Variants in CAPRIN1 observed in about 807,000 individuals in gnomAD.
The protein encoded by CAPRIN1 is cell cycle associated protein 1.
A neutral mutation model predicts 100.9 loss-of-function variants in CAPRIN1; 29 were observed. The observed-to-expected ratio is 0.29, with a 90% CI of 0.21 to 0.39. The LOEUF (loss-of-function observed/expected upper bound fraction) is 0.39. CAPRIN1 is among the 10% of genes least tolerant of loss of function. The pLI, the probability that CAPRIN1 is intolerant of heterozygous loss-of-function variation, is 1.00. For missense variants in CAPRIN1, 795 were observed against 876.7 expected, an observed-to-expected ratio of 0.91 and a Z score of 1.18; for synonymous variants, 338 against 307.5, an observed-to-expected ratio of 1.10 and a Z score of -1.04.
intron 9 of CAPRIN1, among the ~76,000 whole-genome samples, chr11:34,085,346 A>G (rs919529868): frequency 7.2e-5 from 11 of 152,214 alleles, no homozygotes; most frequent in Non-Finnish European, 1.2e-4. Context: ...TCTTGATGAT[A>G]ATAATAGCTA....
At chr11:34,098,918 A>G in intron 18 of CAPRIN1, 1 of 1,019,954 alleles carries the variant, frequency 9.8e-7, no homozygotes, top group Non-Finnish European at 1.2e-6. Flanking sequence ...TACTACTGAA[A>G]TGTAAGCTAG....
chr11:34,069,921 AAAAAG>A (rs1330715330), intron 2 of CAPRIN1, among the ~76,000 whole-genome samples: 11 of 151,666 alleles, frequency 7.3e-5, no homozygotes, highest in African/African-American at 2.7e-4. Context: ...AAAAAAAAAA[AAAAAG>A]AAAAAACAAA....
At chr11:34,072,868 T>C (rs2134105999) in intron 4 of CAPRIN1, among the ~76,000 whole-genome samples, 1 of 152,384 alleles carries the variant, frequency 6.6e-6, no homozygotes, top group South Asian at 2.1e-4. Context: ...GTATTTTTAC[T>C]GTACCTATTC....
At chr11:34,097,552 C>T (rs975947604) in intron 17 of CAPRIN1, 146 bp from the exon 18 acceptor site, 1 of 822,770 alleles carries the variant, frequency 1.2e-6, no homozygotes, top group African/African-American at 1.7e-5. Context: ...ACAACAATTA[C>T]AGAACAAGGT....
At position 34,052,558 on chromosome 11, in the gene CAPRIN1, C is replaced by G. The variant is rs993439455; in HGVS notation, c.138C>G (p.Thr46=). Residue 46 remains threonine, a synonymous_variant, in exon 2 of 19, where the codon ACC becomes ACG. Coordinates refer to ENST00000341394, the MANE Select transcript of CAPRIN1 (RefSeq NM_005898.5). ...CTTCTCAGCACCCCGCAACCGGCACCGGCGCTGTCCAGACCGAGGCCATGA... is the reference window on the plus strand; with the variant it reads ...CTTCTCAGCACCCCGCAACCGGCACGGGCGCTGTCCAGACCGAGGCCATGA... The part of the protein sequence containing the change: ...APASQHPATG[T]GAVQTEAMKQ... 3 of 1,609,612 alleles carry G rather than the reference C, an allele frequency of 1.9e-6. No individual in the cohort carries two copies. The highest frequency in any genetic ancestry group is 1.7e-5 in the Admixed American group (1 of 59,652).
At chr11:34,084,708 A>G (rs1243644672) in intron 9 of CAPRIN1, among the ~76,000 whole-genome samples, 2 of 152,174 alleles carry the variant, frequency 1.3e-5, no homozygotes, top group African/African-American at 4.8e-5. Context: ...AGCCTTGACT[A>G]AGTCGATGGG....
chr11:34,052,236 T>G (rs1850327201), intron 1 of CAPRIN1, 185 bp from the exon 2 acceptor site: 2 of 207,350 alleles, frequency 9.6e-6, no homozygotes, highest in East Asian at 9.4e-5. Context: ...GGCGCCCCGC[T>G]GGCGGGTCGC....
chr11:34,079,651 G>C lies in CAPRIN1; in HGVS notation c.712G>C (p.Glu238Gln), dbSNP rs1850972549. The stretch of plus-strand genomic sequence containing the variant: ...AGATAAAGTTCTAAAGGAAATTGTT[G>C]AGCGTGTTTTTCAGTCAAACTACTT... ...TTYKVLKEIV[E>Q]RVFQSNYFDS... Residue 238 changes from glutamate (E) to glutamine (Q), a missense_variant, in exon 7 of 19, where the codon GAG becomes CAG. Coordinates refer to ENST00000341394, the MANE Select transcript of CAPRIN1 (RefSeq NM_005898.5). 1.2e-6 allele frequency: 2 copies of C among 1,613,730 alleles called. No individual in the cohort carries two copies. Among genetic ancestry groups the C allele is most frequent in the African/African-American group, 2.7e-5 (2 of 74,870 alleles).
At chr11:34,069,562 A>G (rs1444193187) in intron 2 of CAPRIN1, among the ~76,000 whole-genome samples, 1 of 152,172 alleles carries the variant, frequency 6.6e-6, no homozygotes, top group Non-Finnish European at 1.5e-5. Context: ...TTTAAAAAAG[A>G]GAATGAACTA....
intron 12 of CAPRIN1, 51 bp downstream of exon 12, chr11:34,089,507 C>T: frequency 1.9e-6 from 2 of 1,067,768 alleles, no homozygotes; most frequent in South Asian, 1.3e-5. Flanking sequence ...TGGCTCGTAC[C>T]TATAATCCTA....
At position 34,102,507 on chromosome 11, in the gene CAPRIN1, G is replaced by A. The variant is rs1387445404; in HGVS notation, c.*3140G>A. Among the ~76,000 whole-genome samples the A allele has an allele frequency of 1.3e-5, 2 of 152,172 alleles. No individual in the cohort carries two copies. Among genetic ancestry groups the A allele is most frequent in the African/African-American group, 4.8e-5 (2 of 41,448 alleles). ...CCCCTCAGGAAAACGAAAGTAAATT[G>A]TTAAGGCTCATCTTCATACCTTTTT... On this transcript the variant is annotated 3_prime_UTR_variant, in exon 19 of 19. Coordinates refer to ENST00000341394, the MANE Select transcript of CAPRIN1 (RefSeq NM_005898.5).
chr11:34,064,352 A>G (rs532889644), intron 2 of CAPRIN1, among the ~76,000 whole-genome samples: 10 of 152,288 alleles, frequency 6.6e-5, no homozygotes, highest in Admixed American at 2.0e-4. Flanking sequence ...CCAGTGGACA[A>G]ATTTTCTAGT....
chr11:34,068,440 C>G (rs116227847), intron 2 of CAPRIN1, among the ~76,000 whole-genome samples: 111 of 152,278 alleles, frequency 7.3e-4, no homozygotes, highest in African/African-American at 2.6e-3. Flanking sequence ...GTATGTGAGA[C>G]TGCATGCAGA....
chr11:34,071,277 A>G (rs1253174169), intron 2 of CAPRIN1, among the ~76,000 whole-genome samples: 1 of 152,102 alleles, frequency 6.6e-6, no homozygotes, highest in Admixed American at 6.6e-5. Context: ...AGTTTTATGT[A>G]CTTAGGCTGG....
chr11:34,076,093 T>TA, intron 4 of CAPRIN1, 143 bp from the exon 5 acceptor site: 1 of 615,956 alleles, frequency 1.6e-6, no homozygotes, highest in Non-Finnish European at 2.9e-6. Context: ...AAACTATTTG[T>TA]AAGTCAGGAA....
At chr11:34,078,418 T>G (rs1850946371) in intron 6 of CAPRIN1, among the ~76,000 whole-genome samples, 1 of 152,238 alleles carries the variant, frequency 6.6e-6, no homozygotes, top group African/African-American at 2.4e-5. Context: ...TCTCCCCCTC[T>G]GCCCTGCACT....
Position 34,092,369 on chromosome 11 carries a change from T to A in CAPRIN1, c.1705+313T>A, listed in dbSNP as rs558476779. The stretch of plus-strand genomic sequence containing the variant: ...TACCATAAAGTGTACTTTTTTTTTT[T>A]TTTTTGAGATGGGGTCTCACTCTGT... On this transcript the variant is annotated intron_variant, in intron 15 of 18. Transcript: ENST00000341394. Among the ~76,000 whole-genome samples, 28 of 152,062 alleles carry A rather than the reference T, an allele frequency of 1.8e-4. No homozygotes were observed. In the South Asian group the frequency reaches 5.2e-3, roughly 28 times the overall value.
intron 2 of CAPRIN1, among the ~76,000 whole-genome samples, chr11:34,065,605 G>T (rs1173790959): frequency 6.6e-6 from 1 of 152,196 alleles, no homozygotes; most frequent in Admixed American, 6.5e-5. Context: ...GCTCTGCAGA[G>T]ATCTGATTAT....
At chr11:34,056,096 C>T (rs1282154643) in intron 2 of CAPRIN1, among the ~76,000 whole-genome samples, 1 of 152,154 alleles carries the variant, frequency 6.6e-6, no homozygotes, top group Non-Finnish European at 1.5e-5. Flanking sequence ...TTGAATTCCT[C>T]TTTAGAAACC....
Sources: gnomAD v4.1 joint callset for allele counts (sites outside exome capture counted in the v4.1 genomes callset) on GRCh38, gnomAD v4.1.1 for gene constraint, MANE v1.5 for transcripts, NCBI Gene and HGNC (gene_info 2026-07-23, HGNC 2026-07-21) for gene names.